TEX14: variants seen among roughly 807,000 people sequenced by gnomAD.
TEX14 encodes the protein inactive serine/threonine-protein kinase TEX14.
In TEX14, 168 loss-of-function variants were observed where a neutral mutation model predicts 178.6. That is an observed-to-expected ratio of 0.94 (90% CI 0.83 to 1.07). The LOEUF is 1.07. Among genes scored for constraint, TEX14 ranks in the 50% least tolerant of loss-of-function variants. The probability of loss-of-function intolerance (pLI) is 0.00; values close to 1 mark genes in which losing one functional copy is unlikely to be tolerated. For synonymous variants in TEX14, 626 were observed against 634.1 expected, an observed-to-expected ratio of 0.99 and a Z score of 0.19; for missense variants, 1,730 against 1,753.6, an observed-to-expected ratio of 0.99 and a Z score of 0.24.
At chr17:58,631,530 A>G (rs1317493348) in intron 2 of TEX14, 2 of 152,058 alleles carry the variant, frequency 1.3e-5, no homozygotes, top group Non-Finnish European at 2.9e-5. Flanking sequence ...ATATATGCAT[A>G]TATACACAAC....
intron 1 of TEX14, chr17:58,661,185 G>T (rs371854058): frequency 2.5e-6 from 2 of 801,696 alleles, no homozygotes; most frequent in African/African-American, 3.4e-5. Flanking sequence ...ATAGCACCGT[G>T]ATTTTCAGCT....
chr17:58,574,061 G>C, intron 22 of TEX14, 126 bp downstream of exon 22: 1 of 744,836 alleles, frequency 1.3e-6, no homozygotes, highest in Non-Finnish European at 2.3e-6. Context: ...TTTGGTGAAA[G>C]AAGCAGCATA....
chr17:58,680,035 G>C (rs547383600), intron 1 of TEX14, among the ~76,000 whole-genome samples: 17 of 152,098 alleles, frequency 1.1e-4, no homozygotes, highest in African/African-American at 4.1e-4. Flanking sequence ...ACTAGCTCCT[G>C]CCTTTAAGGG....
At chr17:58,559,685 T>G (rs924031154) in intron 29 of TEX14, 123 bp from the exon 30 acceptor site, 1 of 640,004 alleles carries the variant, frequency 1.6e-6, no homozygotes, top group African/African-American at 1.8e-5. Context: ...TAGCTAGCAC[T>G]AACAAGAGTG....
intron 30 of TEX14, among the ~76,000 whole-genome samples, chr17:58,558,298 G>A (rs1372501621): frequency 6.6e-6 from 1 of 152,206 alleles, no homozygotes; most frequent in Non-Finnish European, 1.5e-5. Flanking sequence ...GCAGTGGGAA[G>A]CCTAAGTCTG....
Position 58,593,610 on chromosome 17 carries a change from A to G in TEX14, c.2521T>C (p.Cys841Arg), listed in dbSNP as rs769582628. ...GKQNTDEQFQ[C>R]TQGAKDSLET... Reference sequence around the variant, plus strand: ...AAACTGTCCTTGGCTCCTTGAGTGCACTGAAATTGTTCATCTGTGTTCTGT... The same window carrying G: ...AAACTGTCCTTGGCTCCTTGAGTGCGCTGAAATTGTTCATCTGTGTTCTGT... Residue 841 changes from cysteine (C) to arginine (R), a missense_variant, in exon 15 of 32, where the codon TGC becomes CGC. Coordinates refer to ENST00000349033, the MANE Select transcript of TEX14 (RefSeq NM_031272.5). 1.9e-6 allele frequency: 3 copies of G among 1,614,156 alleles called. No individual in the cohort carries two copies. Among genetic ancestry groups the G allele is most frequent in the Non-Finnish European group, 2.5e-6 (3 of 1,180,010 alleles).
At position 58,587,506 on chromosome 17, in the gene TEX14, T is replaced by C. The variant is rs866745475; in HGVS notation, c.2788+75A>G. ...TAAATGTGCAACACAGGTTGTGTAC[T>C]TAGAAATATCAACCACATTAGAAAT... is the stretch of plus-strand genomic sequence containing the variant. On this transcript the variant is annotated intron_variant, in intron 17 of 31. Transcript: ENST00000349033. The C allele has an allele frequency of 7.1e-5, 66 of 934,548 alleles. 1 individual carries two copies. The Middle Eastern group carries it at 1.7e-3, about 24-fold the overall frequency. 57.9% of individuals were successfully genotyped at this position (934,548 alleles called of 1,614,324 possible).
chr17:58,589,329 G>A (rs890926542), intron 15 of TEX14, among the ~76,000 whole-genome samples: 17 of 151,502 alleles, frequency 1.1e-4, no homozygotes, highest in East Asian at 1.9e-4. Context: ...TTGGGAGACC[G>A]GGGCAGGTGA....
chr17:58,635,450 GAC>G (rs1032117539), intron 2 of TEX14, among the ~76,000 whole-genome samples: 2 of 135,608 alleles, frequency 1.5e-5, no homozygotes, highest in African/African-American at 5.8e-5. Context: ...TTTTTTTTGA[GAC>G]AGAGTCTCAC....
chr17:58,633,112 C>A (rs2046359964), intron 2 of TEX14, among the ~76,000 whole-genome samples: 1 of 152,184 alleles, frequency 6.6e-6, no homozygotes, highest in African/African-American at 2.4e-5. Flanking sequence ...TCCTCATACT[C>A]GCCATGCTCC....
At chr17:58,626,747 T>C (rs900198807) in intron 3 of TEX14, among the ~76,000 whole-genome samples, 1 of 151,988 alleles carries the variant, frequency 6.6e-6, no homozygotes, top group South Asian at 2.1e-4. Flanking sequence ...GGCACGCGCC[T>C]GTAGTCCCAG....
chr17:58,572,168 A>G lies in TEX14; in HGVS notation c.3512-42T>C, dbSNP rs1027895821. The G allele has an allele frequency of 3.5e-6, 5 of 1,427,804 alleles. No homozygotes were observed. In the African/African-American group the frequency reaches 4.3e-5, roughly 12 times the overall value. 88.4% of individuals were successfully genotyped at this position (1,427,804 alleles called of 1,614,324 possible). On this transcript the variant is annotated intron_variant, in intron 23 of 31. Transcript: ENST00000349033. ...GAAGGTTACTGTCTGAATCCTTTAT[A>G]TTATTTCTCCTTTTTTCCTTTTTCC...
intron 2 of TEX14, among the ~76,000 whole-genome samples, chr17:58,642,334 G>T (rs2046594170): frequency 6.6e-6 from 1 of 152,106 alleles, no homozygotes; most frequent in Admixed American, 6.6e-5. Flanking sequence ...AGGTTGTAAA[G>T]ATGCTTAGCA....
chr17:58,660,053 G>A (rs2047075883), intron 1 of TEX14, among the ~76,000 whole-genome samples: 1 of 151,466 alleles, frequency 6.6e-6, no homozygotes, highest in South Asian at 2.1e-4. Context: ...TGAGGATGAT[G>A]ATGCCAAAAC....
At position 58,624,316 on chromosome 17, in the gene TEX14, T is replaced by A. The variant is rs985278567; in HGVS notation, c.252-1304A>T. Among the ~76,000 whole-genome samples, 16 of 150,928 alleles carry A rather than the reference T, an allele frequency of 1.1e-4. No individual in the cohort carries two copies. The East Asian group carries it at 2.5e-3, about 24-fold the overall frequency. ...TACACTATACAAACTCTTCTGTATC[T>A]ACATATTTTCTTTTCTTTTCTTTTC... On this transcript the variant is annotated intron_variant, in intron 3 of 31. Coordinates refer to ENST00000349033, the MANE Select transcript of TEX14 (RefSeq NM_031272.5).
intron 3 of TEX14, among the ~76,000 whole-genome samples, chr17:58,629,642 TG>T (rs1296105813): frequency 2.0e-5 from 3 of 151,498 alleles, no homozygotes; most frequent in Non-Finnish European, 4.4e-5. Context: ...GAGACCAACC[TG>T]GCTAGCATCA....
At chr17:58,634,712 A>C (rs747268693) in intron 2 of TEX14, among the ~76,000 whole-genome samples, 1 of 152,176 alleles carries the variant, frequency 6.6e-6, no homozygotes, top group Non-Finnish European at 1.5e-5. Context: ...TACGCATGTC[A>C]TGGGGGCAAG....
rs548762963 is a variant in TEX14, at chr17:58,635,428, CTTTT to C, written c.137-4878_137-4875del. 2.7e-3 allele frequency among the ~76,000 whole-genome samples: 349 copies of C among 129,566 alleles called. 2 individuals are homozygous for C. Among genetic ancestry groups the C allele is most frequent in the Non-Finnish European group, 4.0e-3 (242 of 61,192 alleles). The allele number at this position is 129,566 out of a possible 152,430, so 85.0% of individuals were successfully genotyped here. On this transcript the variant is annotated intron_variant, in intron 2 of 31. Transcript: ENST00000349033. ...AACCAAGGCCTCCAAGGGCTTCTCT[CTTTT>C]TTTTTTTTTTTTTTTGAGACAGAGT...
At chr17:58,667,665 A>C (rs1392111376) in intron 1 of TEX14, among the ~76,000 whole-genome samples, 3 of 152,108 alleles carry the variant, frequency 2.0e-5, no homozygotes, top group Non-Finnish European at 4.4e-5. Context: ...TGGGCGAATC[A>C]CTTGAGGTCA....
Sources: allele counts gnomAD v4.1 joint callset (sites outside exome capture counted in the v4.1 genomes callset), GRCh38; gene constraint gnomAD v4.1.1; transcripts MANE v1.5; gene names NCBI Gene and HGNC (gene_info 2026-07-23, HGNC 2026-07-21).